The following UMAD1 variants were observed in gnomAD, a reference collection of about 807,000 sequenced individuals.
The protein encoded by UMAD1 is UBAP1-MVB12-associated (UMA) domain containing 1.
UMAD1 carries 8 observed loss-of-function variants against 6.1 expected under a neutral mutation model. That is an observed-to-expected ratio of 1.30 (90% CI 0.76 to 2.35). UMAD1 has a LOEUF of 2.35. UMAD1 is among the 30% of genes most tolerant of loss of function. The probability of loss-of-function intolerance (pLI) is 0.00; values close to 1 mark genes in which losing one functional copy is unlikely to be tolerated. For missense variants in UMAD1, 130 were observed against 78.4 expected (o/e 1.66, Z -2.49); for synonymous variants, 56 against 31.4 (o/e 1.78, Z -2.61).
chr7:7,703,324 A>G (rs1389295535), intron 2 of UMAD1, among the ~76,000 whole-genome samples: 7 of 152,206 alleles, frequency 4.6e-5, no homozygotes, highest in African/African-American at 1.7e-4. Context: ...TGCAGTTTAA[A>G]TTGATCTTTT....
At chr7:7,810,473 A>G (rs1474872276) in intron 3 of UMAD1, among the ~76,000 whole-genome samples, 1 of 152,170 alleles carries the variant, frequency 6.6e-6, no homozygotes, top group East Asian at 1.9e-4. Flanking sequence ...TGAGTTTTCA[A>G]TAAAATATAC....
chr7:7,805,822 C>T (rs936593046), intron 3 of UMAD1, among the ~76,000 whole-genome samples: 6 of 152,186 alleles, frequency 3.9e-5, no homozygotes, highest in Non-Finnish European at 7.3e-5. Flanking sequence ...ATGACTACCT[C>T]AGCTAATGTG....
At chr7:7,767,935 A>G (rs1446444818) in intron 2 of UMAD1, among the ~76,000 whole-genome samples, 1 of 152,204 alleles carries the variant, frequency 6.6e-6, no homozygotes, top group Non-Finnish European at 1.5e-5. Context: ...GCTGTCTTTC[A>G]GATATGTAAA....
chr7:7,742,312 C>G (rs1180093496), intron 2 of UMAD1: 1 of 630,158 alleles, frequency 1.6e-6, no homozygotes, highest in African/African-American at 1.8e-5. Context: ...CAGTGGTCAG[C>G]GGAAATTTGA....
intron 1 of UMAD1, among the ~76,000 whole-genome samples, chr7:7,670,895 C>A (rs1779589494): frequency 6.6e-6 from 1 of 152,164 alleles, no homozygotes; most frequent in South Asian, 2.1e-4. Context: ...CAAGAATGTT[C>A]CTTAATTATG....
intron 2 of UMAD1, among the ~76,000 whole-genome samples, chr7:7,761,363 T>TAAA (rs375910269): frequency 8.3e-6 from 1 of 121,152 alleles, no homozygotes; most frequent in Non-Finnish European, 1.7e-5. Flanking sequence ...GAGACCTAAC[T>TAAA]AAAAAAAAAA....
intron 3 of UMAD1, among the ~76,000 whole-genome samples, chr7:7,807,116 G>A (rs1308428548): frequency 1.3e-5 from 2 of 152,098 alleles, no homozygotes; most frequent in African/African-American, 4.8e-5. Context: ...CCATCTATTT[G>A]TGGAAAATTT....
At chr7:7,747,855 A>G (rs560127983) in intron 2 of UMAD1, among the ~76,000 whole-genome samples, 3 of 152,362 alleles carry the variant, frequency 2.0e-5, no homozygotes, top group African/African-American at 4.8e-5. Flanking sequence ...GGGAAAATGT[A>G]TAGAAATTAA....
chr7:7,723,161 C>A (rs918373370), intron 2 of UMAD1, among the ~76,000 whole-genome samples: 1 of 152,162 alleles, frequency 6.6e-6, no homozygotes, highest in Non-Finnish European at 1.5e-5. Flanking sequence ...AGGCAAGGTT[C>A]AGAGTGTGAC....
At chr7:7,772,259 G>A (rs375692418) in intron 2 of UMAD1, 1 of 152,184 alleles carries the variant, frequency 6.6e-6, no homozygotes, top group Non-Finnish European at 1.5e-5. Flanking sequence ...TTAATGGAGA[G>A]CCTTAAAACA....
chr7:7,665,152 T>G (rs766185540), intron 1 of UMAD1, among the ~76,000 whole-genome samples: 1 of 152,162 alleles, frequency 6.6e-6, no homozygotes, highest in Non-Finnish European at 1.5e-5. Context: ...AAGGAGATAA[T>G]CAAATTGAGA....
intron 2 of UMAD1, among the ~76,000 whole-genome samples, chr7:7,712,323 A>G (rs905287183): frequency 1.3e-5 from 2 of 152,112 alleles, no homozygotes; most frequent in South Asian, 2.1e-4. Flanking sequence ...TATATTTACA[A>G]TATTTAGTCT....
chr7:7,867,950 G>A (rs561389817), intron 3 of UMAD1, among the ~76,000 whole-genome samples: 17 of 152,176 alleles, frequency 1.1e-4, no homozygotes, highest in Middle Eastern at 3.4e-3. Context: ...ACATTTGTTG[G>A]GGGGTAGAGC....
chr7:7,643,513 C>A (rs1277156986), intron 1 of UMAD1, among the ~76,000 whole-genome samples: 1 of 152,180 alleles, frequency 6.6e-6, no homozygotes, highest in African/African-American at 2.4e-5. Context: ...AAGTTCAAGA[C>A]CACCCTGGTC....
At chr7:7,711,223 A>G (rs1337773673) in intron 2 of UMAD1, among the ~76,000 whole-genome samples, 1 of 152,210 alleles carries the variant, frequency 6.6e-6, no homozygotes, top group African/African-American at 2.4e-5. Context: ...ATATTTCCAT[A>G]TAATTTCTCC....
chr7:7,828,396 C>A (rs561736496), intron 3 of UMAD1, among the ~76,000 whole-genome samples: 29 of 152,286 alleles, frequency 1.9e-4, no homozygotes, highest in African/African-American at 7.0e-4. Context: ...AGGTCACATA[C>A]CTAATCTGTG....
At chr7:7,793,625 C>T (rs1782612897) in intron 2 of UMAD1, among the ~76,000 whole-genome samples, 1 of 152,126 alleles carries the variant, frequency 6.6e-6, no homozygotes, top group Non-Finnish European at 1.5e-5. Flanking sequence ...GAATCAGAAT[C>T]GTGTAGCAGA....
intron 3 of UMAD1, among the ~76,000 whole-genome samples, chr7:7,831,225 A>G (rs888334312): frequency 9.2e-5 from 14 of 152,198 alleles, no homozygotes; most frequent in African/African-American, 3.4e-4. Context: ...TGTGTTCAGC[A>G]TGTCCTTATC....
At chr7:7,836,099 G>T (rs1189747970) in intron 3 of UMAD1, among the ~76,000 whole-genome samples, 1 of 151,920 alleles carries the variant, frequency 6.6e-6, no homozygotes, top group South Asian at 2.1e-4. Context: ...TGTATTAACT[G>T]TACTTAATAG....
Sources: allele counts gnomAD v4.1 joint callset (sites outside exome capture counted in the v4.1 genomes callset), GRCh38; gene constraint gnomAD v4.1.1; transcripts MANE v1.5; gene names NCBI Gene and HGNC (gene_info 2026-07-23, HGNC 2026-07-21).